Variants in FANCA observed in about 807,000 individuals in gnomAD.
FANCA encodes the protein Fanconi anemia group A protein.
Under a neutral mutation model 194.3 loss-of-function variants are expected in FANCA, and 236 were observed. The observed-to-expected ratio is 1.21, with a 90% confidence interval of 1.09 to 1.35. FANCA has a LOEUF of 1.35. Among genes scored for constraint, FANCA ranks in the 40% most tolerant of loss-of-function variants. The probability of loss-of-function intolerance (pLI) is 0.00; values close to 1 mark genes in which losing one functional copy is unlikely to be tolerated. For missense variants in FANCA, 2,628 were observed against 1,813.9 expected (o/e 1.45, Z -8.15); for synonymous variants, 1,014 against 715.8 (o/e 1.42, Z -6.65).
rs2061980336 is a variant in FANCA, at chr16:89,737,619, A to G, written c.*982T>C. On this transcript the variant is annotated 3_prime_UTR_variant, in exon 43 of 43. Transcript: ENST00000389301. ...TGCACACAGCTGATGAAGCCACGTG[A>G]CAGTGTATAAAGCAGTTTAAAGATC... 2 of 1,131,076 alleles carry G rather than the reference A, an allele frequency of 1.8e-6. No individual in the cohort carries two copies. Among genetic ancestry groups the G allele is most frequent in the Non-Finnish European group, 2.4e-6 (2 of 824,658 alleles). 70.1% of individuals were successfully genotyped at this position (1,131,076 alleles called of 1,614,324 possible). A position where few individuals can be genotyped will look rare whatever the true frequency, so the allele number is the denominator to read the frequency against.
chr16:89,770,191 C>A lies in FANCA; in HGVS notation c.2291G>T (p.Arg764Leu). The change falls in exon 25 of 43, where the codon CGG (arginine) becomes CTG (leucine). Residue 764 changes from arginine (R) to leucine (L), a missense_variant. Physicochemically the swap from Arg to Leu is moderately radical, Grantham distance 102 (BLOSUM62 -2). Coordinates refer to ENST00000389301, the MANE Select transcript of FANCA (RefSeq NM_000135.4). ...CTGGTGACGGAGCAGCTGGCAGAGC[C>A]GGGTGAGCACTGCAGGGAGCACACG... Reference protein sequence around the residue: ...CGRVLPAVLTRLCQLLRHQGP... With the variant: ...CGRVLPAVLTLLCQLLRHQGP... The A allele has an allele frequency of 6.3e-7, 1 of 1,592,944 alleles. No homozygotes were observed. The highest frequency in any genetic ancestry group is 1.1e-5 in the South Asian group (1 of 87,550).
At chr16:89,786,011 A>C (rs1598142636) in intron 14 of FANCA, among the ~76,000 whole-genome samples, 1 of 123,630 alleles carries the variant, frequency 8.1e-6, no homozygotes, top group South Asian at 2.8e-4. Context: ...TACCACTCCC[A>C]GCTATTTTTT....
intron 30 of FANCA, among the ~76,000 whole-genome samples, chr16:89,758,148 C>T (rs752976766): frequency 1.2e-4 from 18 of 152,192 alleles, no homozygotes; most frequent in East Asian, 5.8e-4. Flanking sequence ...TGAGCCACCA[C>T]GCCCAGCCCG....
At chr16:89,748,922 C>T (rs1254469980) in intron 32 of FANCA, among the ~76,000 whole-genome samples, 155 bp from the exon 33 acceptor site, 1 of 152,206 alleles carries the variant, frequency 6.6e-6, no homozygotes, top group Non-Finnish European at 1.5e-5. Flanking sequence ...CCATCCAAAG[C>T]CTGCACTCTG....
chr16:89,789,017 C>T (rs2039982888), intron 14 of FANCA, among the ~76,000 whole-genome samples: 3 of 151,954 alleles, frequency 2.0e-5, no homozygotes. Context: ...AGGGAGACAC[C>T]TGAGCCGCGG....
At chr16:89,757,364 G>A (rs886939943) in intron 30 of FANCA, among the ~76,000 whole-genome samples, 4 of 152,152 alleles carry the variant, frequency 2.6e-5, no homozygotes, top group African/African-American at 7.2e-5. Context: ...CACCCACGAT[G>A]GAGGTGCGTC....
chr16:89,795,949 A>T lies in FANCA; in HGVS notation c.963T>A (p.Ser321Arg). Residue 321 changes from serine to arginine, a missense_variant, in exon 11 of 43, where the codon AGT becomes AGA. Transcript: ENST00000389301. ...GAGTGAGTATCTGAGTCAGGGTATG[A>T]CTGAAGAACCTCTTCAGAGGATCTG... ...ISTDPLKRFFSHTLTQILTHS... is the reference protein window; with the variant it reads ...ISTDPLKRFFRHTLTQILTHS... 6.2e-7 allele frequency: 1 copy of T among 1,614,096 alleles called. No homozygotes were observed. Among genetic ancestry groups the T allele is most frequent in the Non-Finnish European group, 8.5e-7 (1 of 1,179,954 alleles).
At chr16:89,794,698 T>G (rs760975454) in intron 11 of FANCA, among the ~76,000 whole-genome samples, 1 of 152,092 alleles carries the variant, frequency 6.6e-6, no homozygotes, top group Non-Finnish European at 1.5e-5. Flanking sequence ...TCCCACCAGT[T>G]TCCTGCCTGA....
At chr16:89,812,488 A>C (rs962688717) in intron 3 of FANCA, among the ~76,000 whole-genome samples, 1 of 151,004 alleles carries the variant, frequency 6.6e-6, no homozygotes, top group Non-Finnish European at 1.5e-5. Context: ...CTCTACTAAA[A>C]ATACAAAATT....
intron 26 of FANCA, among the ~76,000 whole-genome samples, chr16:89,767,524 T>C (rs1038443049): frequency 6.6e-6 from 1 of 152,030 alleles, no homozygotes; most frequent in Non-Finnish European, 1.5e-5. Flanking sequence ...TCTCCCACCA[T>C]GCCCAGCTGA....
chr16:89,805,244 T>C, intron 7 of FANCA, 36 bp downstream of exon 7: 1 of 1,534,826 alleles, frequency 6.5e-7, no homozygotes, highest in East Asian at 2.3e-5. Flanking sequence ...TCAAAATGAG[T>C]TTTACCCAAG....
At chr16:89,764,514 C>T (rs1210099594) in intron 28 of FANCA, among the ~76,000 whole-genome samples, 3 of 152,100 alleles carry the variant, frequency 2.0e-5, no homozygotes, top group Non-Finnish European at 2.9e-5. Context: ...CTATGTTGCC[C>T]GGGCTGGTCT....
intron 14 of FANCA, among the ~76,000 whole-genome samples, chr16:89,790,716 G>C (rs1218893919): frequency 1.3e-5 from 2 of 151,584 alleles, no homozygotes; most frequent in Non-Finnish European, 2.9e-5. Flanking sequence ...CTCTAGCCTG[G>C]GCGACAGAGG....
intron 27 of FANCA, among the ~76,000 whole-genome samples, chr16:89,765,349 C>A (rs949858396): frequency 2.0e-5 from 3 of 151,042 alleles, no homozygotes; most frequent in Admixed American, 6.6e-5. Flanking sequence ...GGACCTCAGT[C>A]CAGCCCCTGG....
At chr16:89,778,505 G>C (rs898216690) in intron 20 of FANCA, 9 of 361,012 alleles carry the variant, frequency 2.5e-5, no homozygotes, top group Non-Finnish European at 4.1e-5. Flanking sequence ...GCACAGGCTT[G>C]TAATCCCAGC....
chr16:89,773,642 G>C (rs1007485823), intron 21 of FANCA, among the ~76,000 whole-genome samples: 1 of 152,144 alleles, frequency 6.6e-6, no homozygotes, highest in African/African-American at 2.4e-5. Context: ...AAGCGGTTCT[G>C]TGTGCACCAT....
chr16:89,800,882 A>T (rs1204695584), intron 8 of FANCA, among the ~76,000 whole-genome samples: 1 of 151,408 alleles, frequency 6.6e-6, no homozygotes, highest in Non-Finnish European at 1.5e-5. Flanking sequence ...AATACAAAAA[A>T]ATTAGCTAGG....
At chr16:89,757,003 G>C (rs2038789390) in intron 30 of FANCA, among the ~76,000 whole-genome samples, 1 of 152,166 alleles carries the variant, frequency 6.6e-6, no homozygotes, top group African/African-American at 2.4e-5. Context: ...TTTTGAGATG[G>C]AGTCTCACTC....
chr16:89,758,562 G>A lies in FANCA; in HGVS notation c.2981+15C>T. 1 of 1,612,788 alleles carries A rather than the reference G, an allele frequency of 6.2e-7. No homozygotes were observed. The highest frequency in any genetic ancestry group is 1.3e-5 in the African/African-American group (1 of 75,006). On this transcript the variant is annotated intron_variant, in intron 30 of 42. Coordinates refer to ENST00000389301, the MANE Select transcript of FANCA (RefSeq NM_000135.4). ...TGTCCCTCCAGAGAACCCTAATACAGTGTGTGCTGCTAACCTTTGGTGGAA... is the reference window on the plus strand; with the variant it reads ...TGTCCCTCCAGAGAACCCTAATACAATGTGTGCTGCTAACCTTTGGTGGAA...
Sources: allele counts gnomAD v4.1 joint callset (sites outside exome capture counted in the v4.1 genomes callset), GRCh38; gene constraint gnomAD v4.1.1; transcripts MANE v1.5; gene names NCBI Gene and HGNC (gene_info 2026-07-23, HGNC 2026-07-21).